The following TVP23C variants were observed in gnomAD, a reference collection of about 807,000 sequenced individuals.
TVP23C encodes trans-golgi network vesicle protein 23 homolog C.
A neutral mutation model predicts 28.7 loss-of-function variants in TVP23C; 19 were observed. The observed-to-expected ratio is 0.66, with a 90% CI of 0.46 to 0.97. The LOEUF (loss-of-function observed/expected upper bound fraction) is 0.97, where lower values mean the gene tolerates loss of function less well. Among genes scored for constraint, TVP23C ranks in the 50% least tolerant of loss-of-function variants. The pLI is 0.00. For synonymous variants in TVP23C, 68 were observed against 81.7 expected (o/e 0.83, Z 0.90); for missense variants, 186 against 241.3 (o/e 0.77, Z 1.52).
chr17:15,506,401 G>C (rs1981744067), intron 5 of TVP23C, among the ~76,000 whole-genome samples: 1 of 152,126 alleles, frequency 6.6e-6, no homozygotes, highest in African/African-American at 2.4e-5. Flanking sequence ...TGCTCTGGTG[G>C]GGCCTTGGAG....
chr17:15,502,976 C>A (rs1449063302), exon 6 of TVP23C: 1 of 1,614,132 alleles, frequency 6.2e-7, no homozygotes, highest in Non-Finnish European at 8.5e-7. Flanking sequence ...GAGAAATAGG[C>A]GGGCGGGCGC....
At chr17:15,535,966 C>T (rs1360753507), downstream of TVP23C, among the ~76,000 whole-genome samples, 1 of 152,030 alleles carries the variant, frequency 6.6e-6, no homozygotes, top group Non-Finnish European at 1.5e-5. Context: ...CTGAGGCGGG[C>T]GGATCACCTA....
At chr17:15,518,793 T>C (rs1321320016) in intron 5 of TVP23C, among the ~76,000 whole-genome samples, 1 of 152,122 alleles carries the variant, frequency 6.6e-6, no homozygotes, top group African/African-American at 2.4e-5. Context: ...AGATGAAGGT[T>C]TTCCAACCCT....
At chr17:15,529,547 G>A (rs1351436944) in intron 5 of TVP23C, among the ~76,000 whole-genome samples, 2 of 151,986 alleles carry the variant, frequency 1.3e-5, no homozygotes, top group African/African-American at 4.8e-5. Context: ...GTGCATATTT[G>A]TTTTTAAGTG....
chr17:15,519,763 G>A (rs2013835), intron 5 of TVP23C, among the ~76,000 whole-genome samples: 17,221 of 152,072 alleles, frequency 0.11, 1,128 homozygotes, highest in Middle Eastern at 0.18. Context: ...TTAGCTGGGC[G>A]TGGTGGCAGG....
intron 5 of TVP23C, among the ~76,000 whole-genome samples, chr17:15,518,020 T>C (rs1376030821): frequency 2.0e-5 from 3 of 151,738 alleles, no homozygotes; most frequent in Non-Finnish European, 2.9e-5. Context: ...CAAAAACAAT[T>C]AGCTGGGCGT....
rs1983329003 is a variant in TVP23C at position 15,539,784 on chromosome 17, T to C, written c.*628A>G. ...TGTTATGGTCTTCTTGTGATTCAACTGTTCTCCCTAAAACCATACAACATA... is the reference window on the plus strand; with the variant it reads ...TGTTATGGTCTTCTTGTGATTCAACCGTTCTCCCTAAAACCATACAACATA... On this transcript the variant is annotated 3_prime_UTR_variant, in exon 6 of 6. Coordinates refer to ENST00000518321, the MANE Select transcript of TVP23C (RefSeq NM_001135036.2). 1.0e-6 allele frequency: 1 copy of C among 984,546 alleles called. No individual in the cohort carries two copies. Among genetic ancestry groups the C allele is most frequent in the African/African-American group, 1.8e-5 (1 of 57,038 alleles). 61.0% of individuals were successfully genotyped at this position (984,546 alleles called of 1,614,324 possible).
chr17:15,550,767 T>G (rs999176440), intron 3 of TVP23C, among the ~76,000 whole-genome samples: 1 of 152,178 alleles, frequency 6.6e-6, no homozygotes, highest in Non-Finnish European at 1.5e-5. Context: ...ATGCCAAGTT[T>G]CTTTTTGTTT....
intron 5 of TVP23C, among the ~76,000 whole-genome samples, chr17:15,513,731 G>A (rs1982100872): frequency 1.3e-5 from 2 of 152,180 alleles, no homozygotes; most frequent in African/African-American, 4.8e-5. Flanking sequence ...CAAGACATGA[G>A]CAGCAGATCT....
chr17:15,508,625 A>G (rs1981872606), intron 5 of TVP23C, among the ~76,000 whole-genome samples: 1 of 152,252 alleles, frequency 6.6e-6, no homozygotes, highest in South Asian at 2.1e-4. Context: ...CCATACCCAA[A>G]GCTCCACCAC....
At chr17:15,563,371 T>G in intron 1 of TVP23C, 66 bp downstream of exon 1, 1 of 1,548,948 alleles carries the variant, frequency 6.5e-7, no homozygotes, top group Non-Finnish European at 8.7e-7. Flanking sequence ...CGGGCTCCAG[T>G]CCCACGGAAC....
At chr17:15,556,996 T>C (rs970439277) in intron 1 of TVP23C, among the ~76,000 whole-genome samples, 6 of 150,252 alleles carry the variant, frequency 4.0e-5, no homozygotes, top group African/African-American at 1.5e-4. Context: ...AGCAATACTG[T>C]TACTACATGG....
At chr17:15,534,578 T>TACACACACACACAC (rs370038704), downstream of TVP23C, among the ~76,000 whole-genome samples, 15 of 125,180 alleles carry the variant, frequency 1.2e-4, no homozygotes, top group African/African-American at 4.9e-4. Flanking sequence ...CCATCACTTC[T>TACACACACACACAC]ACACACACAC....
chr17:15,524,063 GGTGTGTGTGTGTGTGTGTGT>G (rs10578424), intron 5 of TVP23C, among the ~76,000 whole-genome samples: 6 of 136,260 alleles, frequency 4.4e-5, no homozygotes, highest in South Asian at 2.5e-4. Flanking sequence ...AGCAGAGTGG[GGTGTGTGTGTGTGTGTGTGT>G]GTGTGTGTGT....
intron 3 of TVP23C, 53 bp downstream of exon 3, chr17:15,553,632 A>G (rs1193123114): frequency 6.5e-7 from 1 of 1,546,400 alleles, no homozygotes; most frequent in East Asian, 2.5e-5. Flanking sequence ...TCATATTTTT[A>G]TACATCATTT....
At position 15,539,837 on chromosome 17, in the gene TVP23C, T is replaced by G; in HGVS notation, c.*575A>C. Reference sequence around the variant, plus strand: ...GGCTGGGCACGGTGGCTCACGCCTGTAATCCCAGCACTTTGGGAGGCTGAG... The same window carrying G: ...GGCTGGGCACGGTGGCTCACGCCTGGAATCCCAGCACTTTGGGAGGCTGAG... On this transcript the variant is annotated 3_prime_UTR_variant, in exon 6 of 6. Coordinates refer to ENST00000518321, the MANE Select transcript of TVP23C (RefSeq NM_001135036.2). 3.2e-6 allele frequency: 3 copies of G among 951,686 alleles called. No homozygotes were observed. Among genetic ancestry groups the G allele is most frequent in the South Asian group, 9.7e-5 (2 of 20,560 alleles). 59.0% of individuals were successfully genotyped at this position (951,686 alleles called of 1,614,324 possible).
In TVP23C at chr17:15,540,528, C is replaced by T; in HGVS notation, c.496G>A (p.Ala166Thr). The T allele has an allele frequency of 6.2e-7, 1 of 1,613,380 alleles. No individual in the cohort carries two copies. The highest frequency in any genetic ancestry group is 1.7e-4 in the Middle Eastern group (1 of 6,054). Residue 166 changes from alanine to threonine, a missense_variant, in exon 6 of 6, where the codon GCC becomes ACC. By Grantham distance (58) the Ala-to-Thr change is moderately conservative (BLOSUM62 0). Coordinates refer to ENST00000518321, the MANE Select transcript of TVP23C (RefSeq NM_001135036.2). Reference protein sequence around the residue: ...VVIMGVVLQGANLYGYIRCKV... With the variant: ...VVIMGVVLQGTNLYGYIRCKV... ...CACCTGATGTAACCATACAGGTTGG[C>T]ACCTTGTAGCACCACACCCATAATA...
At chr17:15,522,917 C>G (rs926704923) in intron 5 of TVP23C, among the ~76,000 whole-genome samples, 8 of 152,052 alleles carry the variant, frequency 5.3e-5, no homozygotes, top group African/African-American at 1.7e-4. Context: ...TGGTGCACAC[C>G]TGTGCACCAC....
At chr17:15,517,839 C>T (rs1037207768) in intron 5 of TVP23C, among the ~76,000 whole-genome samples, 1 of 152,132 alleles carries the variant, frequency 6.6e-6, no homozygotes, top group Non-Finnish European at 1.5e-5. Context: ...CATTCTCTTC[C>T]CACTGCACCA....
Sources: allele counts gnomAD v4.1 joint callset (sites outside exome capture counted in the v4.1 genomes callset), GRCh38; gene constraint gnomAD v4.1.1; transcripts MANE v1.5; gene names NCBI Gene and HGNC (gene_info 2026-07-23, HGNC 2026-07-21).